The following SPOCK1 variants were observed in gnomAD, a reference collection of about 807,000 sequenced individuals.
SPOCK1 encodes the protein testican-1.
Under a neutral mutation model 55.3 loss-of-function variants are expected in SPOCK1, and 23 were observed. The ratio of observed to expected loss-of-function variants is 0.42; its 90% CI spans 0.30 to 0.59. SPOCK1 has a LOEUF of 0.59. SPOCK1 is among the 20% of genes least tolerant of loss of function. SPOCK1 has a pLI of 0.22. For synonymous variants in SPOCK1, 226 were observed against 221.0 expected, an observed-to-expected ratio of 1.02 and a Z score of -0.20; for missense variants, 499 against 552.5, an observed-to-expected ratio of 0.90 and a Z score of 0.97.
chr5:137,425,217 A>C (rs1219572307), intron 2 of SPOCK1, among the ~76,000 whole-genome samples: 5 of 152,206 alleles, frequency 3.3e-5, no homozygotes, highest in Non-Finnish European at 5.9e-5. Flanking sequence ...GTGGAGATAC[A>C]CTTATTACTA....
intron 2 of SPOCK1, among the ~76,000 whole-genome samples, chr5:137,286,535 C>G (rs1003620513): frequency 2.0e-5 from 3 of 152,206 alleles, no homozygotes; most frequent in Non-Finnish European, 2.9e-5. Flanking sequence ...GCCCCTCCTT[C>G]TATTTCTTAC....
intron 2 of SPOCK1, among the ~76,000 whole-genome samples, chr5:137,340,750 G>A (rs1187153601): frequency 1.3e-5 from 2 of 152,090 alleles, no homozygotes; most frequent in Non-Finnish European, 1.5e-5. Flanking sequence ...GCGTGGTGGT[G>A]TATGTCTGTA....
chr5:137,184,385 C>T (rs890976518), intron 3 of SPOCK1, among the ~76,000 whole-genome samples: 1 of 152,158 alleles, frequency 6.6e-6, no homozygotes, highest in Non-Finnish European at 1.5e-5. Context: ...TGGGCCCACA[C>T]ATGTTACTCC....
At chr5:136,980,464 T>G (rs1750707042) in intron 9 of SPOCK1, among the ~76,000 whole-genome samples, 1 of 152,112 alleles carries the variant, frequency 6.6e-6, no homozygotes, top group Non-Finnish European at 1.5e-5. Context: ...AATTCCCACG[T>G]GTTGTGGGAG....
At chr5:137,242,671 G>A (rs1312846614) in intron 3 of SPOCK1, among the ~76,000 whole-genome samples, 1 of 152,144 alleles carries the variant, frequency 6.6e-6, no homozygotes. Context: ...CCAGGAGGTC[G>A]AGGCTGTAGT....
chr5:136,999,779 C>T (rs953085728), intron 6 of SPOCK1, among the ~76,000 whole-genome samples: 10 of 152,126 alleles, frequency 6.6e-5, no homozygotes, highest in African/African-American at 2.4e-4. Flanking sequence ...TGTGAGTGAG[C>T]GTGTCTCTGT....
At position 137,032,296 on chromosome 5, in the gene SPOCK1, T is replaced by A. The variant is rs145153450; in HGVS notation, c.589+35419A>T. Among the ~76,000 whole-genome samples, 7 of 152,182 alleles carry A rather than the reference T, an allele frequency of 4.6e-5. No individual in the cohort carries two copies. In the East Asian group the frequency reaches 1.4e-3, roughly 29 times the overall value. On this transcript the variant is annotated intron_variant, in intron 6 of 10. Transcript: ENST00000394945. ...ATCCCAGTAGGTTAGCGTGGCTTCA[T>A]GAGTTGACAAAGAAAAGAGGATTCT... is the stretch of plus-strand genomic sequence containing the variant.
chr5:137,170,587 TTCTCTCTCTCTC>T (rs56347412), intron 3 of SPOCK1, among the ~76,000 whole-genome samples: 13 of 142,600 alleles, frequency 9.1e-5, no homozygotes, highest in East Asian at 8.5e-4. Flanking sequence ...AGCCTGTTAT[TTCTCTCTCTCTC>T]TCTCTCTCTC....
At chr5:137,200,966 A>G (rs1343239274) in intron 3 of SPOCK1, among the ~76,000 whole-genome samples, 1 of 152,256 alleles carries the variant, frequency 6.6e-6, no homozygotes, top group African/African-American at 2.4e-5. Flanking sequence ...TGATGTACTT[A>G]GCAAGCCCCA....
At chr5:137,420,608 T>C (rs1257692014) in intron 2 of SPOCK1, among the ~76,000 whole-genome samples, 2 of 152,232 alleles carry the variant, frequency 1.3e-5, no homozygotes, top group Non-Finnish European at 2.9e-5. Context: ...TATTCTCTGA[T>C]GGTAGTTTGT....
intron 2 of SPOCK1, among the ~76,000 whole-genome samples, chr5:137,420,666 G>A (rs187953981): frequency 1.3e-4 from 20 of 152,192 alleles, no homozygotes; most frequent in Admixed American, 9.1e-4. Context: ...TTTGTATTGT[G>A]TCTATTTGAT....
intron 6 of SPOCK1, among the ~76,000 whole-genome samples, chr5:137,062,953 G>T (rs1385150758): frequency 2.0e-5 from 3 of 152,094 alleles, no homozygotes; most frequent in African/African-American, 7.2e-5. Context: ...AAATATTCAG[G>T]GCCGGGCGCG....
intron 2 of SPOCK1, among the ~76,000 whole-genome samples, chr5:137,497,096 GATTC>G (rs1409947775): frequency 1.3e-5 from 2 of 152,088 alleles, no homozygotes; most frequent in Non-Finnish European, 2.9e-5. Context: ...AAACATCTGG[GATTC>G]ATTCAATGTC....
At position 137,112,419 on chromosome 5, in the gene SPOCK1, AGAC is replaced by A. The variant is rs745603172; in HGVS notation, c.474+13_474+15del. On this transcript the variant is annotated intron_variant, in intron 5 of 10. Transcript: ENST00000394945. Reference sequence around the variant, plus strand: ...ATGAAGTATTTTTGATAACATAAAAAGACAAGAAAACCAACCTTGGATGTGTAG... The same window carrying A: ...ATGAAGTATTTTTGATAACATAAAAAAAGAAAACCAACCTTGGATGTGTAG... The A allele has an allele frequency of 3.4e-5, 54 of 1,608,528 alleles. No homozygotes were observed. The highest frequency in any genetic ancestry group is 4.3e-5 in the Non-Finnish European group (51 of 1,178,792).
At chr5:137,418,836 T>G (rs948468051) in intron 2 of SPOCK1, among the ~76,000 whole-genome samples, 5 of 152,254 alleles carry the variant, frequency 3.3e-5, no homozygotes, top group African/African-American at 1.2e-4. Context: ...TTGGCTTTTG[T>G]TGACATTGCT....
chr5:137,320,592 C>T (rs1367228345), intron 2 of SPOCK1, among the ~76,000 whole-genome samples: 1 of 152,148 alleles, frequency 6.6e-6, no homozygotes, highest in Non-Finnish European at 1.5e-5. Flanking sequence ...AGAAAAAGCG[C>T]CAGAAAACCT....
chr5:137,469,088 G>T (rs1753679610), intron 2 of SPOCK1, among the ~76,000 whole-genome samples: 1 of 152,242 alleles, frequency 6.6e-6, no homozygotes, highest in Non-Finnish European at 1.5e-5. Flanking sequence ...CTGGCTGGAA[G>T]TTGAAAGAAC....
At chr5:137,175,067 G>T (rs1754829153) in intron 3 of SPOCK1, among the ~76,000 whole-genome samples, 1 of 152,058 alleles carries the variant, frequency 6.6e-6, no homozygotes, top group Non-Finnish European at 1.5e-5. Flanking sequence ...CTGCCCTCAA[G>T]GAGTTCACAC....
At chr5:137,315,743 G>A (rs948965996) in intron 2 of SPOCK1, among the ~76,000 whole-genome samples, 1 of 152,198 alleles carries the variant, frequency 6.6e-6, no homozygotes, top group African/African-American at 2.4e-5. Context: ...TAGCAAGGCA[G>A]GCAGGCTGTA....
Sources: allele counts gnomAD v4.1 joint callset (sites outside exome capture counted in the v4.1 genomes callset), GRCh38; gene constraint gnomAD v4.1.1; transcripts MANE v1.5; gene names NCBI Gene and HGNC (gene_info 2026-07-23, HGNC 2026-07-21).